FOXP1: variants seen among roughly 807,000 people sequenced by gnomAD.
FOXP1 encodes the protein forkhead box protein P1.
Under a neutral mutation model 98.2 loss-of-function variants are expected in FOXP1, and 15 were observed. The observed-to-expected ratio is 0.15, with a 90% CI of 0.10 to 0.24. The LOEUF is 0.24. Ranked by LOEUF, FOXP1 falls within the 10% of genes least tolerant of loss-of-function variation. The probability of loss-of-function intolerance (pLI) is 1.00; values close to 1 mark genes in which losing one functional copy is unlikely to be tolerated. For synonymous variants in FOXP1, 371 were observed against 314.5 expected (o/e 1.18, Z -1.90); for missense variants, 633 against 848.5 (o/e 0.75, Z 3.15).
intron 5 of FOXP1, chr3:71,288,357 T>C (rs1475961119): frequency 1.3e-5 from 2 of 152,350 alleles, no homozygotes; most frequent in East Asian, 3.9e-4. Flanking sequence ...CCAAGAAATC[T>C]TGAAAATGTT....
At chr3:70,961,263 C>A (rs1352988930) in intron 20 of FOXP1, among the ~76,000 whole-genome samples, 1 of 152,094 alleles carries the variant, frequency 6.6e-6, no homozygotes, top group African/African-American at 2.4e-5. Flanking sequence ...CATAGTCGTG[C>A]TCTGTCACCC....
chr3:71,262,916 G>A (rs1246356712), intron 5 of FOXP1, among the ~76,000 whole-genome samples: 1 of 152,162 alleles, frequency 6.6e-6, no homozygotes, highest in Non-Finnish European at 1.5e-5. Flanking sequence ...AGAAGCTGTG[G>A]GACTGAGTCT....
intron 11 of FOXP1, among the ~76,000 whole-genome samples, chr3:71,020,729 C>T (rs2045306907): frequency 6.6e-6 from 1 of 152,192 alleles, no homozygotes; most frequent in African/African-American, 2.4e-5. Flanking sequence ...CCGAGCTTTT[C>T]CTGTGCACTG....
chr3:71,316,060 G>A (rs961865856), intron 4 of FOXP1, among the ~76,000 whole-genome samples: 1 of 152,188 alleles, frequency 6.6e-6, no homozygotes, highest in African/African-American at 2.4e-5. Flanking sequence ...AGGCAAGAGA[G>A]GGCGGCTCTG....
intron 5 of FOXP1, among the ~76,000 whole-genome samples, chr3:71,210,002 C>CT (rs1222468152): frequency 6.6e-6 from 1 of 152,114 alleles, no homozygotes; most frequent in Non-Finnish European, 1.5e-5. Context: ...CAGCAAAACA[C>CT]TGTCTGCTGG....
chr3:71,240,398 T>C (rs982403287), intron 5 of FOXP1, among the ~76,000 whole-genome samples: 7 of 152,234 alleles, frequency 4.6e-5, no homozygotes, highest in Non-Finnish European at 7.3e-5. Context: ...GCGATGGGCC[T>C]ACAAATGGAA....
intron 5 of FOXP1, among the ~76,000 whole-genome samples, chr3:71,286,715 CA>C (rs1373533954): frequency 1.3e-5 from 2 of 152,046 alleles, no homozygotes; most frequent in African/African-American, 4.8e-5. Context: ...CAAAACAAAA[CA>C]AAAAACTGCC....
chr3:71,535,791 C>T (rs1278958324), intron 2 of FOXP1, among the ~76,000 whole-genome samples: 4 of 152,122 alleles, frequency 2.6e-5, no homozygotes, highest in African/African-American at 9.7e-5. Context: ...GATTCCCATT[C>T]CTGGTTCTGC....
At chr3:70,999,364 A>G (rs764016697) in intron 13 of FOXP1, among the ~76,000 whole-genome samples, 4 of 152,216 alleles carry the variant, frequency 2.6e-5, no homozygotes, top group Non-Finnish European at 5.9e-5. Context: ...CTGTGATTAT[A>G]GGCCAGATCT....
At chr3:71,349,043 G>C (rs1384787937) in intron 4 of FOXP1, among the ~76,000 whole-genome samples, 1 of 152,110 alleles carries the variant, frequency 6.6e-6, no homozygotes, top group Non-Finnish European at 1.5e-5. Context: ...ACTTCTATAA[G>C]TAACTCCAAC....
chr3:71,038,608 T>C (rs575971182), intron 11 of FOXP1, among the ~76,000 whole-genome samples: 25 of 152,232 alleles, frequency 1.6e-4, no homozygotes, highest in Non-Finnish European at 2.5e-4. Flanking sequence ...TAATGCTACA[T>C]AATATGCATT....
intron 2 of FOXP1, among the ~76,000 whole-genome samples, chr3:71,515,494 A>C (rs1039867925): frequency 6.6e-6 from 1 of 150,702 alleles, no homozygotes; most frequent in African/African-American, 2.4e-5. Flanking sequence ...AGTCATTGGA[A>C]TCACGCTTGC....
At chr3:71,085,513 CT>C (rs970140922) in intron 7 of FOXP1, among the ~76,000 whole-genome samples, 36 of 151,916 alleles carry the variant, frequency 2.4e-4, no homozygotes, top group African/African-American at 8.4e-4. Flanking sequence ...ATTTATTTTC[CT>C]GTTACTGTGA....
chr3:71,369,761 G>A (rs1043876648), intron 3 of FOXP1, among the ~76,000 whole-genome samples: 1 of 152,088 alleles, frequency 6.6e-6, no homozygotes, highest in Non-Finnish European at 1.5e-5. Flanking sequence ...TTCCAAGATC[G>A]ACCATAGAGT....
chr3:70,965,934 G>A lies in FOXP1; in HGVS notation c.1845C>T (p.Ser615=). Residue 615 remains serine, a synonymous_variant, in exon 20 of 21, where the codon AGC becomes AGT. Coordinates refer to ENST00000649528, the MANE Select transcript of FOXP1 (RefSeq NM_001349338.3). ...ELNGAMEHTN[S]NESDSSPGRS... is the part of the protein sequence containing the mutation. ...TGCCTGGACTGCTGTCACTCTCGTTGCTGTTGGTATGCTCCATTGCCCCGT... is the reference window on the plus strand; with the variant it reads ...TGCCTGGACTGCTGTCACTCTCGTTACTGTTGGTATGCTCCATTGCCCCGT... 3 of 1,614,158 alleles carry A rather than the reference G, an allele frequency of 1.9e-6. No individual in the cohort carries two copies. The highest frequency in any genetic ancestry group is 2.5e-6 in the Non-Finnish European group (3 of 1,180,002).
intron 4 of FOXP1, among the ~76,000 whole-genome samples, chr3:71,355,766 G>A (rs2078110176): frequency 6.6e-6 from 1 of 152,146 alleles, no homozygotes; most frequent in Non-Finnish European, 1.5e-5. Flanking sequence ...TCAGTTCTGT[G>A]ATATGGTGTC....
intron 3 of FOXP1, among the ~76,000 whole-genome samples, chr3:71,482,834 CT>C (rs777721460): frequency 3.5e-3 from 497 of 141,836 alleles, no homozygotes; most frequent in Middle Eastern, 7.2e-3. Context: ...TCTTATGTCA[CT>C]TTTTTTTTTT....
intron 2 of FOXP1, among the ~76,000 whole-genome samples, chr3:71,564,891 G>T (rs2046796718): frequency 1.3e-5 from 2 of 152,160 alleles, no homozygotes; most frequent in Admixed American, 1.3e-4. Context: ...GAGGTGGGTG[G>T]ATCACCTGAG....
intron 6 of FOXP1, among the ~76,000 whole-genome samples, chr3:71,159,293 T>C (rs116078587): frequency 0.014 from 2,154 of 151,976 alleles, 19 homozygotes; most frequent in Non-Finnish European, 0.026. Flanking sequence ...GGATGGAAAA[T>C]GGAGCCTCCG....
Sources: gnomAD v4.1 joint callset for allele counts (sites outside exome capture counted in the v4.1 genomes callset) on GRCh38, gnomAD v4.1.1 for gene constraint, MANE v1.5 for transcripts, NCBI Gene and HGNC (gene_info 2026-07-23, HGNC 2026-07-21) for gene names.